The following TTLL5 variants were observed in gnomAD, a reference collection of about 807,000 sequenced individuals.
TTLL5 encodes the protein tubulin tyrosine ligase like 5.
A neutral mutation model predicts 168.4 loss-of-function variants in TTLL5; 132 were observed. The ratio of observed to expected loss-of-function variants is 0.78; its 90% confidence interval spans 0.68 to 0.91. The LOEUF (loss-of-function observed/expected upper bound fraction) is 0.91, where lower values mean the gene tolerates loss of function less well. Ranked by LOEUF, TTLL5 falls within the 40% of genes least tolerant of loss-of-function variation. The probability of loss-of-function intolerance (pLI) is 0.00; values close to 1 mark genes in which losing one functional copy is unlikely to be tolerated. For missense variants in TTLL5, 1,545 were observed against 1,581.5 expected (o/e 0.98, Z 0.39); for synonymous variants, 546 against 558.6 (o/e 0.98, Z 0.32).
intron 28 of TTLL5, among the ~76,000 whole-genome samples, chr14:75,825,126 G>A (rs913492200): frequency 6.6e-6 from 1 of 152,114 alleles, no homozygotes; most frequent in Admixed American, 6.5e-5. Flanking sequence ...ACTGAGTTGT[G>A]TATGTGAAAG....
intron 12 of TTLL5, among the ~76,000 whole-genome samples, chr14:75,729,338 C>T (rs1456543946): frequency 1.3e-5 from 2 of 152,150 alleles, no homozygotes; most frequent in African/African-American, 4.8e-5. Context: ...CTCGTTACTG[C>T]TGCCAAAACA....
chr14:75,906,945 C>T (rs994692314), intron 31 of TTLL5, among the ~76,000 whole-genome samples: 4 of 151,992 alleles, frequency 2.6e-5, no homozygotes, highest in Non-Finnish European at 5.9e-5. Context: ...TTTAAAAATA[C>T]GAGGATTTTA....
At chr14:75,702,155 T>C (rs567177638) in intron 7 of TTLL5, among the ~76,000 whole-genome samples, 10 of 152,386 alleles carry the variant, frequency 6.6e-5, no homozygotes, top group Non-Finnish European at 1.2e-4. Flanking sequence ...CTGGTTTTGA[T>C]AGAGCAACTG....
chr14:75,858,721 C>A lies in TTLL5; in HGVS notation c.3327-4946C>A, dbSNP rs114141526. 5.4e-3 allele frequency among the ~76,000 whole-genome samples: 820 copies of A among 152,318 alleles called. 9 individuals carry two copies. Among genetic ancestry groups the A allele is most frequent in the African/African-American group, 0.018 (766 of 41,562 alleles). On this transcript the variant is annotated intron_variant, in intron 28 of 31. Transcript: ENST00000298832. ...CGTGTATCCACCACTGTGAGTTTGA[C>A]ATCTTCCTAATACTTGAAGATTTAA...
At chr14:75,749,229 A>G (rs1889798732) in intron 17 of TTLL5, among the ~76,000 whole-genome samples, 1 of 152,066 alleles carries the variant, frequency 6.6e-6, no homozygotes, top group African/African-American at 2.4e-5. Context: ...AAGGGGGACC[A>G]TTTACTTTTG....
intron 28 of TTLL5, among the ~76,000 whole-genome samples, chr14:75,843,575 T>C (rs1896369710): frequency 6.6e-6 from 1 of 152,240 alleles, no homozygotes; most frequent in African/African-American, 2.4e-5. Context: ...AGCCACCACA[T>C]GTAGGGCAAT....
intron 26 of TTLL5, among the ~76,000 whole-genome samples, chr14:75,790,803 A>G (rs1255961477): frequency 6.6e-6 from 1 of 151,170 alleles, no homozygotes; most frequent in African/African-American, 2.4e-5. Context: ...GTGTAAAAAA[A>G]TACCATTTTG....
At chr14:75,757,966 TG>T in intron 18 of TTLL5, 1 of 1,222,698 alleles carries the variant, frequency 8.2e-7, no homozygotes, top group East Asian at 2.8e-5. Context: ...ATTTTTAGTT[TG>T]GTTCAGCTTG....
chr14:75,732,761 A>G (rs896641423), intron 13 of TTLL5, among the ~76,000 whole-genome samples: 1 of 152,164 alleles, frequency 6.6e-6, no homozygotes, highest in African/African-American at 2.4e-5. Context: ...TTCATTACCG[A>G]AAGTTTTACA....
chr14:75,943,918 T>C (rs889216585), intron 31 of TTLL5, among the ~76,000 whole-genome samples: 3 of 152,224 alleles, frequency 2.0e-5, no homozygotes, highest in African/African-American at 7.2e-5. Flanking sequence ...TAAAAATCCA[T>C]GGATGGGCCT....
chr14:75,735,911 A>G (rs183181372), intron 15 of TTLL5, among the ~76,000 whole-genome samples: 102 of 151,672 alleles, frequency 6.7e-4, no homozygotes, highest in Non-Finnish European at 1.2e-3. Flanking sequence ...GTCTGTTTTG[A>G]CCCTGCTAAT....
chr14:75,912,607 G>A (rs1435958345), intron 31 of TTLL5, among the ~76,000 whole-genome samples: 1 of 152,092 alleles, frequency 6.6e-6, no homozygotes, highest in African/African-American at 2.4e-5. Context: ...CTAATAGGCA[G>A]GGCAAACAGG....
chr14:75,708,396 G>T (rs367913024), intron 9 of TTLL5, among the ~76,000 whole-genome samples: 1 of 151,388 alleles, frequency 6.6e-6, no homozygotes, highest in East Asian at 1.9e-4. Flanking sequence ...GCGTGATCTC[G>T]GCTCACTGCA....
intron 18 of TTLL5, among the ~76,000 whole-genome samples, chr14:75,763,264 T>G (rs1890771891): frequency 6.6e-6 from 1 of 151,848 alleles, no homozygotes; most frequent in South Asian, 2.1e-4. Flanking sequence ...TCTGTGTGTG[T>G]GTGTGTGTGT....
intron 28 of TTLL5, among the ~76,000 whole-genome samples, chr14:75,832,452 G>A (rs903444531): frequency 6.6e-6 from 1 of 152,194 alleles, no homozygotes; most frequent in African/African-American, 2.4e-5. Context: ...TTCCTGAGAT[G>A]TAAGCTACAT....
intron 17 of TTLL5, among the ~76,000 whole-genome samples, chr14:75,751,808 C>T (rs1309626853): frequency 6.6e-6 from 1 of 152,104 alleles, no homozygotes; most frequent in Non-Finnish European, 1.5e-5. Context: ...AGAAAGAATT[C>T]TGGTGAGTCC....
chr14:75,824,682 A>G lies in TTLL5; in HGVS notation c.3326+4521A>G, dbSNP rs528929864. 1.1e-4 allele frequency among the ~76,000 whole-genome samples: 17 copies of G among 152,122 alleles called. No individual in the cohort carries two copies. The South Asian group carries it at 3.5e-3, about 32-fold the overall frequency. On this transcript the variant is annotated intron_variant, in intron 28 of 31. Coordinates refer to ENST00000298832, the MANE Select transcript of TTLL5 (RefSeq NM_015072.5). ...ATGTGAATGCACTTAACACTCCTGA[A>G]CTATACATGTAAAAATGGTTAAGAT... is the stretch of plus-strand genomic sequence containing the variant.
intron 31 of TTLL5, among the ~76,000 whole-genome samples, chr14:75,907,330 A>G (rs995244757): frequency 1.4e-4 from 22 of 152,182 alleles, no homozygotes; most frequent in African/African-American, 5.1e-4. Context: ...CTTCACCAGC[A>G]CTGCCGTCAG....
rs528794457 is a variant in TTLL5, at chr14:75,885,996, C to G, written c.3740+3094C>G. ...CTTGGATCTTACTGTGGCCTTTACTCCGGCTCAGTTCAGATTAATCAGGAA... is the reference window on the plus strand; with the variant it reads ...CTTGGATCTTACTGTGGCCTTTACTGCGGCTCAGTTCAGATTAATCAGGAA... On this transcript the variant is annotated intron_variant, in intron 30 of 31. Coordinates refer to ENST00000298832, the MANE Select transcript of TTLL5 (RefSeq NM_015072.5). Among the ~76,000 whole-genome samples, 7 of 152,300 alleles carry G rather than the reference C, an allele frequency of 4.6e-5. No homozygotes were observed. The South Asian group carries it at 1.5e-3, about 32-fold the overall frequency.
Sources: gnomAD v4.1 joint callset for allele counts (sites outside exome capture counted in the v4.1 genomes callset) on GRCh38, gnomAD v4.1.1 for gene constraint, MANE v1.5 for transcripts, NCBI Gene and HGNC (gene_info 2026-07-23, HGNC 2026-07-21) for gene names.